RNGTT: variants seen among roughly 807,000 people sequenced by gnomAD.
The protein encoded by RNGTT is RNA guanylyltransferase and 5'-phosphatase.
In RNGTT, 33 loss-of-function variants were observed where a neutral mutation model predicts 79.3. The observed-to-expected ratio is 0.42, with a 90% confidence interval of 0.32 to 0.56. The LOEUF is 0.56. Ranked by LOEUF, RNGTT falls within the 20% of genes least tolerant of loss-of-function variation. The pLI is 0.17. For synonymous variants in RNGTT, 222 were observed against 235.9 expected (o/e 0.94, Z 0.54); for missense variants, 497 against 739.1 (o/e 0.67, Z 3.80).
intron 8 of RNGTT, among the ~76,000 whole-genome samples, chr6:88,864,045 T>A (rs543374803): frequency 1.3e-3 from 194 of 152,272 alleles, no homozygotes; most frequent in African/African-American, 4.4e-3. Flanking sequence ...GGAATTTGTA[T>A]ATGTCTGTTT....
chr6:88,880,448 T>C (rs982804784), intron 8 of RNGTT, among the ~76,000 whole-genome samples: 1 of 152,204 alleles, frequency 6.6e-6, no homozygotes, highest in Non-Finnish European at 1.5e-5. Flanking sequence ...ACCTTTTATA[T>C]TCAGTTTTTC....
At chr6:88,891,942 G>C (rs945764482) in intron 6 of RNGTT, 27 bp from the exon 7 acceptor site, 1 of 1,411,764 alleles carries the variant, frequency 7.1e-7, no homozygotes, top group Non-Finnish European at 9.6e-7. Context: ...AGAAAAATAA[G>C]GGAAAGAAAA....
intron 13 of RNGTT, among the ~76,000 whole-genome samples, chr6:88,704,384 A>T (rs1266827442): frequency 1.3e-5 from 2 of 152,066 alleles, no homozygotes; most frequent in Non-Finnish European, 2.9e-5. Flanking sequence ...TGCCCATAAC[A>T]AGCCAAACAA....
intron 13 of RNGTT, among the ~76,000 whole-genome samples, chr6:88,693,914 GA>G (rs1235390613): frequency 6.6e-6 from 1 of 152,064 alleles, no homozygotes; most frequent in Non-Finnish European, 1.5e-5. Flanking sequence ...TTTCATGATA[GA>G]AAAAATTCTC....
intron 13 of RNGTT, among the ~76,000 whole-genome samples, chr6:88,694,408 A>T (rs1447483318): frequency 6.6e-6 from 1 of 152,122 alleles, no homozygotes; most frequent in Non-Finnish European, 1.5e-5. Flanking sequence ...TGAAAGGCCT[A>T]CACACGAAAA....
intron 14 of RNGTT, among the ~76,000 whole-genome samples, chr6:88,670,583 A>G (rs1774598404): frequency 6.6e-6 from 1 of 152,202 alleles, no homozygotes; most frequent in African/African-American, 2.4e-5. Context: ...AGTGAGATCA[A>G]TGGCCAGATG....
intron 14 of RNGTT, among the ~76,000 whole-genome samples, chr6:88,668,477 T>C (rs1396887043): frequency 6.6e-6 from 1 of 152,208 alleles, no homozygotes; most frequent in Non-Finnish European, 1.5e-5. Context: ...CTTCAGCTGA[T>C]TTTCCCCACA....
intron 11 of RNGTT, among the ~76,000 whole-genome samples, chr6:88,838,485 A>G (rs1033551363): frequency 1.3e-5 from 2 of 152,190 alleles, no homozygotes; most frequent in Non-Finnish European, 2.9e-5. Flanking sequence ...TATACTACCA[A>G]TAGTCAGAAA....
In RNGTT at chr6:88,898,659, CTG is replaced by C. The variant is rs956341739; in HGVS notation, c.684+6054_684+6055del. 3.9e-3 allele frequency among the ~76,000 whole-genome samples: 571 copies of C among 147,110 alleles called. 3 individuals carry two copies. Among genetic ancestry groups the C allele is most frequent in the African/African-American group, 0.013 (527 of 40,098 alleles). On this transcript the variant is annotated intron_variant, in intron 6 of 15. Transcript: ENST00000369485. Reference sequence around the variant, plus strand: ...CAATATATAATTTTTAGTATATATACTGTGTGTGTGTGTGTATATATATATAT... The same window carrying C: ...CAATATATAATTTTTAGTATATATACTGTGTGTGTGTGTATATATATATAT...
At chr6:88,699,170 A>G (rs1450616270) in intron 13 of RNGTT, among the ~76,000 whole-genome samples, 1 of 152,210 alleles carries the variant, frequency 6.6e-6, no homozygotes, top group Non-Finnish European at 1.5e-5. Context: ...TCACAACCTT[A>G]GAATATGCTC....
intron 11 of RNGTT, among the ~76,000 whole-genome samples, chr6:88,826,267 C>T (rs1341713153): frequency 1.3e-5 from 2 of 152,178 alleles, no homozygotes; most frequent in African/African-American, 2.4e-5. Context: ...CCTTCTTCAA[C>T]ACCATCACCA....
At chr6:88,852,933 G>A (rs562589286) in intron 9 of RNGTT, among the ~76,000 whole-genome samples, 17 of 152,308 alleles carry the variant, frequency 1.1e-4, no homozygotes, top group African/African-American at 4.1e-4. Context: ...TGAAAAAGAT[G>A]TCCAAAACAC....
intron 14 of RNGTT, among the ~76,000 whole-genome samples, chr6:88,660,201 A>G (rs1400499947): frequency 6.6e-6 from 1 of 152,232 alleles, no homozygotes; most frequent in Non-Finnish European, 1.5e-5. Context: ...TCCTTAAAGC[A>G]TAAATCTCAC....
intron 8 of RNGTT, among the ~76,000 whole-genome samples, chr6:88,864,698 T>C (rs1221425362): frequency 6.6e-6 from 1 of 152,100 alleles, no homozygotes; most frequent in Non-Finnish European, 1.5e-5. Context: ...GCAATCCAAG[T>C]ATCCATGGAG....
At position 88,895,226 on chromosome 6, in the gene RNGTT, GCT is replaced by G. The variant is rs1491253941; in HGVS notation, c.685-3313_685-3312del. ...ATGGAGGCAATTTATGTGAGAGAGA[GCT>G]CTGTGTGTGTGTGTGTGTGTGTGTG... On this transcript the variant is annotated intron_variant, in intron 6 of 15. Coordinates refer to ENST00000369485, the MANE Select transcript of RNGTT (RefSeq NM_003800.5). Among the ~76,000 whole-genome samples the G allele has an allele frequency of 4.5e-4, 51 of 113,218 alleles. No homozygotes were observed. The East Asian group carries it at 8.4e-3, about 19-fold the overall frequency. The allele number at this position is 113,218 out of a possible 152,430, so 74.3% of individuals were successfully genotyped here. A position where few individuals can be genotyped will look rare whatever the true frequency, so the allele number is the denominator to read the frequency against.
At chr6:88,627,102 A>C (rs9451037) in intron 14 of RNGTT, among the ~76,000 whole-genome samples, 3,903 of 152,230 alleles carry the variant, frequency 0.026, 168 homozygotes, top group African/African-American at 0.089. Flanking sequence ...CTTTATAGTT[A>C]TACATACAAT....
chr6:88,616,045 T>C (rs1249671870), intron 14 of RNGTT, among the ~76,000 whole-genome samples: 2 of 152,212 alleles, frequency 1.3e-5, no homozygotes, highest in African/African-American at 4.8e-5. Flanking sequence ...CTACTTTCTG[T>C]TTCTATGATT....
chr6:88,824,235 A>G (rs1780583099), intron 11 of RNGTT, among the ~76,000 whole-genome samples: 1 of 152,220 alleles, frequency 6.6e-6, no homozygotes, highest in Non-Finnish European at 1.5e-5. Flanking sequence ...TGGTCCAGCC[A>G]ACTATACACT....
chr6:88,822,893 T>C (rs1325252501), intron 11 of RNGTT, among the ~76,000 whole-genome samples: 2 of 152,176 alleles, frequency 1.3e-5, no homozygotes, highest in African/African-American at 2.4e-5. Flanking sequence ...GAGGGTGATA[T>C]GAATCTCAAT....
Sources: gnomAD v4.1 joint callset for allele counts (sites outside exome capture counted in the v4.1 genomes callset) on GRCh38, gnomAD v4.1.1 for gene constraint, MANE v1.5 for transcripts, NCBI Gene and HGNC (gene_info 2026-07-23, HGNC 2026-07-21) for gene names.